The following SNAP25 variants were observed in gnomAD, a reference collection of about 807,000 sequenced individuals.
SNAP25 encodes synaptosomal-associated protein 25.
In SNAP25, 3 loss-of-function variants were observed where a neutral mutation model predicts 28.7. The ratio of observed to expected loss-of-function variants is 0.10; its 90% CI spans 0.05 to 0.27. The LOEUF is 0.27. Ranked by LOEUF, SNAP25 falls within the 10% of genes least tolerant of loss-of-function variation. The pLI, the probability that SNAP25 is intolerant of heterozygous loss-of-function variation, is 1.00. For missense variants in SNAP25, 117 were observed against 278.7 expected (o/e 0.42, Z 4.13); for synonymous variants, 61 against 88.1 (o/e 0.69, Z 1.72).
At chr20:10,276,230 G>A (rs546319763) in intron 2 of SNAP25, among the ~76,000 whole-genome samples, 57 of 152,222 alleles carry the variant, frequency 3.7e-4, no homozygotes, top group African/African-American at 1.2e-3. Flanking sequence ...CAGGAGGATC[G>A]CATAGGCCAA....
At chr20:10,298,780 G>A (rs909427945) in intron 6 of SNAP25, among the ~76,000 whole-genome samples, 1 of 152,184 alleles carries the variant, frequency 6.6e-6, no homozygotes, top group Admixed American at 6.5e-5. Flanking sequence ...GAAAAGAGAT[G>A]AGCACAGAGA....
intron 4 of SNAP25, among the ~76,000 whole-genome samples, chr20:10,285,892 T>A (rs2063867662): frequency 1.3e-5 from 2 of 152,176 alleles, no homozygotes; most frequent in Non-Finnish European, 2.9e-5. Flanking sequence ...TTTTAAAAAA[T>A]GATAATAACC....
intron 1 of SNAP25, among the ~76,000 whole-genome samples, chr20:10,270,586 G>C (rs1324073498): frequency 6.6e-6 from 1 of 152,132 alleles, no homozygotes; most frequent in African/African-American, 2.4e-5. Context: ...TGTAATCCCA[G>C]CTGCTTGGGA....
chr20:10,224,841 C>T (rs184698449), intron 1 of SNAP25, among the ~76,000 whole-genome samples: 1 of 151,934 alleles, frequency 6.6e-6, no homozygotes, highest in Non-Finnish European at 1.5e-5. Flanking sequence ...CCTGCCTAAA[C>T]TTTGTATAAA....
At chr20:10,288,004 T>C (rs2063917972) in intron 4 of SNAP25, among the ~76,000 whole-genome samples, 1 of 151,246 alleles carries the variant, frequency 6.6e-6, no homozygotes, top group East Asian at 1.9e-4. Context: ...CTCTGGGGAC[T>C]CTTGTGGGGT....
At position 10,270,356 on chromosome 20, in the gene SNAP25, C is replaced by T. The variant is rs558906806; in HGVS notation, c.-63-5073C>T. The stretch of plus-strand genomic sequence containing the variant: ...GGTCCTACAGACCAGAGCTACTCAA[C>T]GTGTGCTCTGTGAACCAGCAGCTTC... On this transcript the variant is annotated intron_variant, in intron 1 of 7. Transcript: ENST00000254976. 1.8e-4 allele frequency among the ~76,000 whole-genome samples: 27 copies of T among 152,272 alleles called. No individual in the cohort carries two copies. In the East Asian group the frequency reaches 2.7e-3, roughly 15 times the overall value.
chr20:10,252,891 C>A (rs2063256841), intron 1 of SNAP25, among the ~76,000 whole-genome samples: 1 of 151,046 alleles, frequency 6.6e-6, no homozygotes, highest in African/African-American at 2.4e-5. Flanking sequence ...AATATTTAAA[C>A]CTCCCTGAGG....
At chr20:10,245,918 G>C (rs559346322) in intron 1 of SNAP25, among the ~76,000 whole-genome samples, 1 of 152,172 alleles carries the variant, frequency 6.6e-6, no homozygotes, top group African/African-American at 2.4e-5. Context: ...AATTGGCAGG[G>C]AGGAAAAGCA....
At chr20:10,277,019 C>G (rs938978107) in intron 2 of SNAP25, among the ~76,000 whole-genome samples, 1 of 152,244 alleles carries the variant, frequency 6.6e-6, no homozygotes. Flanking sequence ...AGAAATCACA[C>G]TGGTTGTTGG....
chr20:10,238,432 C>T (rs932089505), intron 1 of SNAP25, among the ~76,000 whole-genome samples: 8 of 151,992 alleles, frequency 5.3e-5, no homozygotes, highest in South Asian at 4.1e-4. Flanking sequence ...AGCCTGGCAG[C>T]GAGGGAGTGG....
intron 1 of SNAP25, among the ~76,000 whole-genome samples, chr20:10,270,707 A>G (rs1298311386): frequency 1.3e-5 from 2 of 152,120 alleles, no homozygotes; most frequent in African/African-American, 2.4e-5. Flanking sequence ...TCAAAAAAAA[A>G]AAAGAAAGAA....
At chr20:10,225,145 T>C (rs2062712289) in intron 1 of SNAP25, among the ~76,000 whole-genome samples, 1 of 151,838 alleles carries the variant, frequency 6.6e-6, no homozygotes, top group African/African-American at 2.4e-5. Context: ...CTTTAAAGCC[T>C]ATGAGGTCAG....
intron 7 of SNAP25, among the ~76,000 whole-genome samples, 154 bp from the exon 8 acceptor site, chr20:10,305,975 C>T (rs886579006): frequency 1.3e-5 from 2 of 151,812 alleles, no homozygotes; most frequent in African/African-American, 2.4e-5. Flanking sequence ...GAGCCATAGC[C>T]GTCATTCTGG....
At chr20:10,240,557 C>G (rs2063008857) in intron 1 of SNAP25, among the ~76,000 whole-genome samples, 1 of 152,186 alleles carries the variant, frequency 6.6e-6, no homozygotes, top group African/African-American at 2.4e-5. Context: ...ACCCTGCATG[C>G]CAGGAAAGCG....
At chr20:10,273,579 G>C (rs1463532335) in intron 1 of SNAP25, among the ~76,000 whole-genome samples, 1 of 152,154 alleles carries the variant, frequency 6.6e-6, no homozygotes, top group African/African-American at 2.4e-5. Flanking sequence ...TCTGGCAGAA[G>C]GAGAAACAGA....
intron 1 of SNAP25, among the ~76,000 whole-genome samples, chr20:10,244,358 A>C (rs1219972166): frequency 6.6e-6 from 1 of 152,232 alleles, no homozygotes. Context: ...ATTTATTATA[A>C]AGAAACACTT....
rs752700315 is a variant in SNAP25 at position 10,290,691 on chromosome 20, A to G, written c.164-2470A>G. Among the ~76,000 whole-genome samples, 4 of 151,962 alleles carry G rather than the reference A, an allele frequency of 2.6e-5. No homozygotes were observed. In the South Asian group the frequency reaches 8.3e-4, roughly 32 times the overall value. ...CAACTCGCTTTGTAACTTAGGAGAA[A>G]CTCCTCAAGAAAGACAAATAATTGC... On this transcript the variant is annotated intron_variant, in intron 4 of 7. Coordinates refer to ENST00000254976, the MANE Select transcript of SNAP25 (RefSeq NM_130811.4).
chr20:10,277,389 A>C (rs1296498452), intron 2 of SNAP25, among the ~76,000 whole-genome samples: 1 of 152,256 alleles, frequency 6.6e-6, no homozygotes, highest in African/African-American at 2.4e-5. Flanking sequence ...CATTCTGAGC[A>C]TGCAAAATTA....
At chr20:10,278,259 T>G (rs908512021) in intron 3 of SNAP25, among the ~76,000 whole-genome samples, 1 of 152,156 alleles carries the variant, frequency 6.6e-6, no homozygotes, top group East Asian at 1.9e-4. Context: ...AAGGGAAATA[T>G]CAAGTCCAAT....
Sources: gnomAD v4.1 joint callset for allele counts (sites outside exome capture counted in the v4.1 genomes callset) on GRCh38, gnomAD v4.1.1 for gene constraint, MANE v1.5 for transcripts, NCBI Gene and HGNC (gene_info 2026-07-23, HGNC 2026-07-21) for gene names.